GK5: variants seen among roughly 807,000 people sequenced by gnomAD.
The protein encoded by GK5 is ATP:glycerol 3-phosphotransferase 5.
A neutral mutation model predicts 77.3 loss-of-function variants in GK5; 39 were observed. The observed-to-expected ratio is 0.50, with a 90% CI of 0.39 to 0.66. GK5 has a LOEUF of 0.66. Among genes scored for constraint, GK5 ranks in the 30% least tolerant of loss-of-function variants. The probability of loss-of-function intolerance (pLI) is 0.00; values close to 1 mark genes in which losing one functional copy is unlikely to be tolerated. For synonymous variants in GK5, 211 were observed against 208.0 expected (o/e 1.01, Z -0.13); for missense variants, 487 against 633.8 (o/e 0.77, Z 2.49).
intron 2 of GK5, among the ~76,000 whole-genome samples, chr3:142,215,302 T>C (rs1003553232): frequency 1.3e-5 from 2 of 152,212 alleles, no homozygotes; most frequent in African/African-American, 4.8e-5. Flanking sequence ...CTCTGGTATT[T>C]TGTGCCAAAC....
chr3:142,217,905 T>C (rs1577154113), intron 1 of GK5, among the ~76,000 whole-genome samples: 1 of 152,246 alleles, frequency 6.6e-6, no homozygotes, highest in Middle Eastern at 3.4e-3. Flanking sequence ...ATAGTATTTT[T>C]TGTAGATTCT....
Position 142,198,792 on chromosome 3 carries a change from A to C in GK5, c.543+10T>G. 6.2e-7 allele frequency: 1 copy of C among 1,605,232 alleles called. No homozygotes were observed. Among genetic ancestry groups the C allele is most frequent in the Non-Finnish European group, 8.5e-7 (1 of 1,177,132 alleles). ...CACATATTTTCCACATACACACAGT[A>C]TTTTCTTACCTCAGTCAAGTTCTGT... On this transcript the variant is annotated intron_variant, in intron 5 of 15. Coordinates refer to ENST00000392993, the MANE Select transcript of GK5 (RefSeq NM_001039547.3).
chr3:142,180,255 C>T (rs1040606889), intron 11 of GK5, among the ~76,000 whole-genome samples: 2 of 152,120 alleles, frequency 1.3e-5, no homozygotes, highest in Non-Finnish European at 2.9e-5. Context: ...GCAACCAAAA[C>T]TCAAAGATGA....
chr3:142,185,285 C>T (rs2063753635), intron 9 of GK5: 1 of 318,114 alleles, frequency 3.1e-6, no homozygotes, highest in Non-Finnish European at 4.5e-6. Flanking sequence ...TCGTGGCACA[C>T]ACCTGTGGTC....
At chr3:142,184,932 C>T (rs943164142) in intron 9 of GK5, 17 of 985,372 alleles carry the variant, frequency 1.7e-5, no homozygotes, top group Middle Eastern at 1.0e-3. Context: ...TAACCCTGCA[C>T]CTATGCCTAG....
intron 3 of GK5, among the ~76,000 whole-genome samples, chr3:142,207,556 A>G (rs1412081327): frequency 1.3e-5 from 2 of 152,194 alleles, no homozygotes; most frequent in Non-Finnish European, 2.9e-5. Flanking sequence ...CTGTACTTCT[A>G]CATACAAATG....
intron 9 of GK5, chr3:142,185,620 T>C: frequency 8.7e-7 from 1 of 1,145,628 alleles, no homozygotes; most frequent in Non-Finnish European, 1.1e-6. Context: ...GTACCAAATG[T>C]AAACTAAATA....
intron 5 of GK5, among the ~76,000 whole-genome samples, chr3:142,192,791 T>G (rs1390511194): frequency 1.3e-5 from 2 of 149,584 alleles, no homozygotes; most frequent in Non-Finnish European, 3.0e-5. Flanking sequence ...TGTGATTGGA[T>G]AAACTGTGCC....
At chr3:142,168,213 G>GT (rs1412707880) in intron 15 of GK5, among the ~76,000 whole-genome samples, 1 of 152,098 alleles carries the variant, frequency 6.6e-6, no homozygotes, top group Non-Finnish European at 1.5e-5. Context: ...TTTGTTTGTT[G>GT]TTTAAGTATT....
At chr3:142,182,780 G>C in intron 10 of GK5, 143 bp downstream of exon 10, 1 of 546,870 alleles carries the variant, frequency 1.8e-6, no homozygotes, top group Non-Finnish European at 3.1e-6. Context: ...AAAAGAAAGG[G>C]AAATGATAAT....
chr3:142,209,603 A>G (rs2107794469), intron 3 of GK5, among the ~76,000 whole-genome samples: 1 of 152,368 alleles, frequency 6.6e-6, no homozygotes, highest in Admixed American at 6.5e-5. Flanking sequence ...AACACTTTAC[A>G]TCATTCTGTG....
intron 6 of GK5, 150 bp downstream of exon 6, chr3:142,187,554 A>AGCC (rs2063788943): frequency 1.6e-6 from 1 of 629,380 alleles, no homozygotes; most frequent in East Asian, 2.8e-5. Context: ...GCAGTGAGCC[A>AGCC]TGATTACACC....
intron 1 of GK5, among the ~76,000 whole-genome samples, chr3:142,217,590 GA>G (rs199809233): frequency 6.6e-6 from 1 of 151,756 alleles, no homozygotes; most frequent in Non-Finnish European, 1.5e-5. Flanking sequence ...TTCAGAACAG[GA>G]AAAAAAATCA....
chr3:142,162,756 G>T lies in GK5; in HGVS notation c.*2866C>A, dbSNP rs2063434752. On this transcript the variant is annotated 3_prime_UTR_variant, in exon 16 of 16. Transcript: ENST00000392993. ...CTCACGCCTGTAATCCTAGCACTTT[G>T]GGAGGCCGAGGTGGGTGGGTCACAA... is the stretch of plus-strand genomic sequence containing the variant. The T allele has an allele frequency of 6.6e-6, 1 of 152,162 alleles. No homozygotes were observed. The highest frequency in any genetic ancestry group is 1.5e-5 in the Non-Finnish European group (1 of 68,054). The allele number at this position is 152,162 out of a possible 1,614,324, so 9.4% of individuals were successfully genotyped here.
chr3:142,204,520 T>C (rs548184780), intron 4 of GK5, 175 bp downstream of exon 4: 13 of 669,612 alleles, frequency 1.9e-5, no homozygotes, highest in Non-Finnish European at 3.7e-5. Context: ...GTACAAGTAC[T>C]GAAGTCTACC....
chr3:142,215,348 G>A (rs879800099), intron 2 of GK5, among the ~76,000 whole-genome samples: 1 of 152,240 alleles, frequency 6.6e-6, no homozygotes, highest in East Asian at 1.9e-4. Context: ...AACCTGGAAT[G>A]AGGAAATGGC....
intron 12 of GK5, chr3:142,173,315 G>A (rs887393616): frequency 1.2e-5 from 4 of 337,754 alleles, no homozygotes; most frequent in Non-Finnish European, 2.3e-5. Flanking sequence ...TGTTGAGCTG[G>A]AAGTATGTAT....
At chr3:142,195,460 C>T (rs963338308) in intron 5 of GK5, among the ~76,000 whole-genome samples, 1 of 152,034 alleles carries the variant, frequency 6.6e-6, no homozygotes, top group Non-Finnish European at 1.5e-5. Flanking sequence ...CCTCCCACCC[C>T]AGTCTCCCAA....
At chr3:142,174,922 T>C (rs116218422) in intron 12 of GK5, among the ~76,000 whole-genome samples, 2,909 of 152,278 alleles carry the variant, frequency 0.019, 91 homozygotes, top group African/African-American at 0.063. Flanking sequence ...TATGTGATAT[T>C]TCTAAGTTGT....
Sources: gnomAD v4.1 joint callset for allele counts (sites outside exome capture counted in the v4.1 genomes callset) on GRCh38, gnomAD v4.1.1 for gene constraint, MANE v1.5 for transcripts, NCBI Gene and HGNC (gene_info 2026-07-23, HGNC 2026-07-21) for gene names.